The following DLG2 variants were observed in gnomAD, a reference collection of about 807,000 sequenced individuals.
DLG2 encodes discs large MAGUK scaffold protein 2, also known as disks large homolog 2.
A neutral mutation model predicts 132.5 loss-of-function variants in DLG2; 45 were observed. The observed-to-expected ratio is 0.34, with a 90% CI of 0.27 to 0.44. The LOEUF is 0.44. DLG2 is among the 20% of genes least tolerant of loss of function. DLG2 has a pLI of 1.00. For synonymous variants in DLG2, 424 were observed against 419.6 expected (o/e 1.01, Z -0.13); for missense variants, 1,045 against 1,196.9 (o/e 0.87, Z 1.87).
rs539396558 is a variant in DLG2 at position 83,585,188 on chromosome 11, G to T, written c.1941-43330C>A. On this transcript the variant is annotated intron_variant, in intron 19 of 27. Coordinates refer to ENST00000376104, the MANE Select transcript of DLG2 (RefSeq NM_001142699.3). ...TATCACTGTGATAATAACAGTGGTA[G>T]TAAAGAATCAAGTAAGATCTTTAAA... Among the ~76,000 whole-genome samples the T allele has an allele frequency of 9.2e-5, 14 of 152,282 alleles. No homozygotes were observed. The South Asian group carries it at 2.9e-3, about 32-fold the overall frequency.
At chr11:85,131,369 AAC>A (rs2075695753) in intron 5 of DLG2, among the ~76,000 whole-genome samples, 1 of 152,164 alleles carries the variant, frequency 6.6e-6, no homozygotes, top group Non-Finnish European at 1.5e-5. Flanking sequence ...ATAATCATAA[AAC>A]ACAAGTAGAT....
At chr11:84,018,454 C>T (rs1305836051) in intron 11 of DLG2, among the ~76,000 whole-genome samples, 2 of 151,906 alleles carry the variant, frequency 1.3e-5, no homozygotes, top group African/African-American at 4.8e-5. Flanking sequence ...GGATAAATGG[C>T]TCTTTGCAAA....
chr11:85,186,953 G>C (rs557878974), intron 4 of DLG2, among the ~76,000 whole-genome samples: 64 of 152,084 alleles, frequency 4.2e-4, no homozygotes, highest in African/African-American at 1.4e-3. Context: ...AATAAATAAA[G>C]TATATCTCAG....
intron 15 of DLG2, among the ~76,000 whole-genome samples, chr11:83,879,588 C>CCAAT (rs1270100676): frequency 2.6e-5 from 4 of 152,072 alleles, no homozygotes; most frequent in African/African-American, 7.2e-5. Context: ...TCTTGGATAT[C>CCAAT]CAATCAGTAC....
chr11:85,322,235 C>T (rs1460944554), intron 3 of DLG2, among the ~76,000 whole-genome samples: 1 of 152,062 alleles, frequency 6.6e-6, no homozygotes, highest in Non-Finnish European at 1.5e-5. Flanking sequence ...CACCCATAAG[C>T]CCCTTTCCGT....
intron 2 of DLG2, among the ~76,000 whole-genome samples, chr11:85,601,019 A>G (rs2080117671): frequency 6.6e-6 from 1 of 152,236 alleles, no homozygotes; most frequent in Non-Finnish European, 1.5e-5. Flanking sequence ...CTGAGAAAAG[A>G]TGCACAGCAG....
At chr11:84,827,573 G>A (rs916647085) in intron 6 of DLG2, among the ~76,000 whole-genome samples, 1 of 149,236 alleles carries the variant, frequency 6.7e-6, no homozygotes, top group African/African-American at 2.5e-5. Flanking sequence ...TTAGGCAGAA[G>A]AGCATGGCAG....
chr11:83,619,138 G>A (rs913041839), intron 19 of DLG2, among the ~76,000 whole-genome samples: 1 of 152,150 alleles, frequency 6.6e-6, no homozygotes, highest in South Asian at 2.1e-4. Flanking sequence ...CCTGTAGCAG[G>A]AAACCTCATG....
At chr11:84,338,721 G>C (rs1430401276) in intron 7 of DLG2, among the ~76,000 whole-genome samples, 1 of 152,044 alleles carries the variant, frequency 6.6e-6, no homozygotes, top group Non-Finnish European at 1.5e-5. Context: ...CAGGAGAATC[G>C]CTTGAGTCCA....
intron 15 of DLG2, among the ~76,000 whole-genome samples, chr11:83,888,176 G>A (rs977191233): frequency 4.0e-5 from 6 of 151,566 alleles, no homozygotes; most frequent in East Asian, 3.9e-4. Context: ...GTTTGCAGAC[G>A]ACATGATTGT....
At chr11:83,825,535 T>C (rs1421450540) in intron 17 of DLG2, among the ~76,000 whole-genome samples, 1 of 151,982 alleles carries the variant, frequency 6.6e-6, no homozygotes, top group Non-Finnish European at 1.5e-5. Context: ...TGTCAGACAA[T>C]GGGGATGCTG....
In DLG2 at chr11:85,479,674, C is replaced by T. The variant is rs75530987; in HGVS notation, c.40+118983G>A. Among the ~76,000 whole-genome samples the T allele has an allele frequency of 2.7e-3, 409 of 152,094 alleles. 2 individuals carry two copies. Among genetic ancestry groups the T allele is most frequent in the Middle Eastern group, 6.8e-3 (2 of 292 alleles). ...TTTTCATATTCATTGAATTGGTTTG[C>T]GAGAACTACAGTAATTAAGTACCTG... On this transcript the variant is annotated intron_variant, in intron 3 of 27. Transcript: ENST00000376104.
chr11:85,386,904 T>A (rs2086384530), intron 3 of DLG2, among the ~76,000 whole-genome samples: 2 of 149,968 alleles, frequency 1.3e-5, no homozygotes, highest in Non-Finnish European at 3.0e-5. Context: ...TTTTTTTTCT[T>A]TTTTTTTTAG....
chr11:85,489,252 A>G (rs2093502609), intron 3 of DLG2, among the ~76,000 whole-genome samples: 1 of 152,200 alleles, frequency 6.6e-6, no homozygotes, highest in Admixed American at 6.5e-5. Context: ...AACAAAAACC[A>G]AAAACAAGCA....
At chr11:84,444,008 AG>A (rs1026618018) in intron 7 of DLG2, among the ~76,000 whole-genome samples, 2 of 138,506 alleles carry the variant, frequency 1.4e-5, no homozygotes, top group Admixed American at 6.8e-5. Flanking sequence ...AAGTCTCCAA[AG>A]TTTTTTTTTT....
At chr11:84,377,959 G>A (rs933544528) in intron 7 of DLG2, among the ~76,000 whole-genome samples, 5 of 152,146 alleles carry the variant, frequency 3.3e-5, no homozygotes, top group African/African-American at 1.2e-4. Context: ...ACAAGTTGAA[G>A]AGTCAGAATA....
intron 17 of DLG2, among the ~76,000 whole-genome samples, chr11:83,821,551 C>G (rs970344811): frequency 3.3e-5 from 5 of 152,148 alleles, no homozygotes; most frequent in African/African-American, 1.2e-4. Flanking sequence ...CTATCAGCCC[C>G]TGAAGGTGAG....
intron 6 of DLG2, among the ~76,000 whole-genome samples, chr11:84,565,563 C>T (rs950448476): frequency 1.3e-5 from 2 of 152,118 alleles, no homozygotes; most frequent in African/African-American, 4.8e-5. Flanking sequence ...ATACCTAGAA[C>T]ATAGTATGTG....
At chr11:85,057,808 G>T (rs1005203713) in intron 6 of DLG2, among the ~76,000 whole-genome samples, 1 of 151,236 alleles carries the variant, frequency 6.6e-6, no homozygotes, top group African/African-American at 2.4e-5. Flanking sequence ...TCAAAAATCA[G>T]CCAACACAAT....
Sources: gnomAD v4.1 joint callset for allele counts (sites outside exome capture counted in the v4.1 genomes callset) on GRCh38, gnomAD v4.1.1 for gene constraint, MANE v1.5 for transcripts, NCBI Gene and HGNC (gene_info 2026-07-23, HGNC 2026-07-21) for gene names.